ATP11C: variants seen among roughly 807,000 people sequenced by gnomAD.
ATP11C encodes the protein ATPase phospholipid transporting 11C (ATP11C blood group).
Under a neutral mutation model 97.4 loss-of-function variants are expected in ATP11C, and 36 were observed. The observed-to-expected ratio is 0.37, with a 90% CI of 0.28 to 0.49. The LOEUF is 0.49. Among genes scored for constraint, ATP11C ranks in the 20% least tolerant of loss-of-function variants. ATP11C has a pLI of 0.98. For missense variants in ATP11C, 730 were observed against 824.6 expected, an observed-to-expected ratio of 0.89 and a Z score of 1.40; for synonymous variants, 275 against 290.9, an observed-to-expected ratio of 0.95 and a Z score of 0.56.
At chrX:139,818,331 A>T (rs1051330272) in intron 3 of ATP11C, among the ~76,000 whole-genome samples, 1 of 111,884 alleles carries the variant, frequency 8.9e-6, no homozygotes, top group African/African-American at 3.3e-5. Flanking sequence ...CCATATCTTG[A>T]TCTTCATTGT....
chrX:139,891,883 G>T (rs770752817), intron 1 of ATP11C, among the ~76,000 whole-genome samples: 121 of 111,115 alleles, frequency 1.1e-3, no homozygotes, highest in African/African-American at 3.9e-3. Flanking sequence ...TTAAGACAGG[G>T]TCTCACTCTG....
chrX:139,913,583 T>G (rs1305776248), intron 1 of ATP11C, among the ~76,000 whole-genome samples: 1 of 111,438 alleles, frequency 9.0e-6, no homozygotes, highest in Non-Finnish European at 1.9e-5. Flanking sequence ...TGACATTACC[T>G]TGTGAAATTC....
intron 22 of ATP11C, 64 bp downstream of exon 22, chrX:139,761,897 C>A: frequency 4.8e-6 from 4 of 834,721 alleles, no homozygotes; most frequent in East Asian, 3.8e-5. Context: ...AGAACAAAAC[C>A]ATGACCAAGC....
intron 18 of ATP11C, among the ~76,000 whole-genome samples, chrX:139,779,788 A>C (rs1052178425): frequency 8.9e-6 from 1 of 111,883 alleles, no homozygotes; most frequent in African/African-American, 3.2e-5. Flanking sequence ...TCAATGAAAC[A>C]AAAATGAAAA....
chrX:139,780,913 G>C (rs756139742), intron 18 of ATP11C, among the ~76,000 whole-genome samples: 2 of 111,362 alleles, frequency 1.8e-5, no homozygotes, highest in Non-Finnish European at 3.8e-5. Context: ...ACAGACAATG[G>C]GGACTCCAAA....
chrX:139,796,630 A>G (rs1340508367), intron 11 of ATP11C, among the ~76,000 whole-genome samples, 160 bp from the exon 12 acceptor site: 1 of 112,423 alleles, frequency 8.9e-6, no homozygotes, highest in Admixed American at 9.4e-5. Flanking sequence ...TGTAGTCAAA[A>G]TTATCACAGT....
In ATP11C at chrX:139,883,287, T is replaced by G. The variant is rs1250670246; in HGVS notation, c.27+48729A>C. Among the ~76,000 whole-genome samples the G allele has an allele frequency of 5.4e-5, 6 of 110,355 alleles. 1 individual carries two copies. The East Asian group carries it at 1.1e-3, about 21-fold the overall frequency. ...TAGTTAAAGCCACTCAAAAGTTTCA[T>G]GAAGCCTGGTCATTCCTGCTTGGAC... On this transcript the variant is annotated intron_variant, in intron 1 of 29. Transcript: ENST00000682941.
chrX:139,813,046 A>G (rs1462481532), intron 5 of ATP11C, among the ~76,000 whole-genome samples: 1 of 112,201 alleles, frequency 8.9e-6, no homozygotes, highest in Admixed American at 9.4e-5. Context: ...AAGGAAATTT[A>G]ACTATTGTTG....
chrX:139,834,303 T>C (rs1216482978), intron 1 of ATP11C, among the ~76,000 whole-genome samples: 5 of 111,621 alleles, frequency 4.5e-5, no homozygotes, highest in Non-Finnish European at 7.5e-5. Context: ...CCAGAACATA[T>C]ACCGTTAGTA....
intron 1 of ATP11C, among the ~76,000 whole-genome samples, chrX:139,921,573 T>C (rs2085260168): frequency 8.9e-6 from 1 of 111,978 alleles, no homozygotes; most frequent in Non-Finnish European, 1.9e-5. Flanking sequence ...ACAGAGGGAA[T>C]GAGATGCAAT....
chrX:139,755,178 T>C (rs981877770), intron 23 of ATP11C, among the ~76,000 whole-genome samples: 1 of 111,827 alleles, frequency 8.9e-6, no homozygotes, highest in African/African-American at 3.3e-5. Context: ...GTAGCAATCC[T>C]ATACACCAAC....
At chrX:139,769,622 A>G (rs1285654455) in intron 19 of ATP11C, among the ~76,000 whole-genome samples, 3 of 110,346 alleles carry the variant, frequency 2.7e-5, no homozygotes, top group East Asian at 5.7e-4. Flanking sequence ...AATTCTGCCA[A>G]TTAACTTTTA....
intron 23 of ATP11C, among the ~76,000 whole-genome samples, chrX:139,755,146 C>T (rs753602226): frequency 2.7e-5 from 3 of 111,929 alleles, no homozygotes; most frequent in Non-Finnish European, 3.8e-5. Flanking sequence ...TTTCAGGATA[C>T]GAAATCAATG....
At chrX:139,924,476 TAGC>T (rs1376939472) in intron 1 of ATP11C, among the ~76,000 whole-genome samples, 1 of 111,717 alleles carries the variant, frequency 9.0e-6, no homozygotes, top group East Asian at 2.8e-4. Context: ...AGAGTTAACA[TAGC>T]AGGCCTGACA....
chrX:139,828,500 T>C (rs904588806), intron 1 of ATP11C, among the ~76,000 whole-genome samples: 33 of 111,550 alleles, frequency 3.0e-4, no homozygotes, highest in Middle Eastern at 4.6e-3. Context: ...TCCCACCTTC[T>C]GTTGCAGGTT....
At chrX:139,749,995 T>C in intron 24 of ATP11C, 30 bp downstream of exon 24, 1 of 1,166,772 alleles carries the variant, frequency 8.6e-7, no homozygotes, top group Non-Finnish European at 1.2e-6. Flanking sequence ...CTGAAAGTCT[T>C]AGGGGGTTTT....
intron 1 of ATP11C, among the ~76,000 whole-genome samples, chrX:139,931,117 A>C (rs772480909): frequency 3.2e-4 from 36 of 112,381 alleles, no homozygotes; most frequent in African/African-American, 1.1e-3. Context: ...AAATAGCAGC[A>C]CGGAACGTAA....
intron 28 of ATP11C, 66 bp downstream of exon 28, chrX:139,737,850 T>C: frequency 2.7e-6 from 3 of 1,097,101 alleles, no homozygotes; most frequent in South Asian, 3.8e-5. Context: ...AAATCAGGTT[T>C]TTAGCTCATG....
chrX:139,926,759 G>A (rs2085357662), intron 1 of ATP11C, among the ~76,000 whole-genome samples: 2 of 112,432 alleles, frequency 1.8e-5, no homozygotes, highest in South Asian at 7.3e-4. Flanking sequence ...AAGTATTCAG[G>A]ACACATTCAG....
Sources: gnomAD v4.1 joint callset for allele counts (sites outside exome capture counted in the v4.1 genomes callset) on GRCh38, gnomAD v4.1.1 for gene constraint, MANE v1.5 for transcripts, NCBI Gene and HGNC (gene_info 2026-07-23, HGNC 2026-07-21) for gene names.